HHAT: variants seen among roughly 807,000 people sequenced by gnomAD.
HHAT encodes the protein protein-cysteine N-palmitoyltransferase HHAT.
A neutral mutation model predicts 70.8 loss-of-function variants in HHAT; 47 were observed. That is an observed-to-expected ratio of 0.66 (90% CI 0.53 to 0.85). The LOEUF (loss-of-function observed/expected upper bound fraction) is 0.85, where lower values mean the gene tolerates loss of function less well. HHAT is among the 40% of genes least tolerant of loss of function. HHAT has a pLI of 0.00. For missense variants in HHAT, 609 were observed against 604.8 expected (o/e 1.01, Z -0.07); for synonymous variants, 228 against 247.6 (o/e 0.92, Z 0.74).
At chr1:210,598,293 G>C (rs1573614923) in intron 10 of HHAT, among the ~76,000 whole-genome samples, 1 of 151,920 alleles carries the variant, frequency 6.6e-6, no homozygotes, top group African/African-American at 2.4e-5. Flanking sequence ...TGCTGCCTGG[G>C]GTTGGGGGAC....
chr1:210,518,593 G>C (rs188089632), intron 9 of HHAT, among the ~76,000 whole-genome samples: 209 of 152,296 alleles, frequency 1.4e-3, no homozygotes, highest in African/African-American at 5.0e-3. Context: ...AGGAGTTTGA[G>C]ACCAGCCTGG....
intron 2 of HHAT, among the ~76,000 whole-genome samples, chr1:210,349,649 A>C (rs530028766): frequency 7.4e-6 from 1 of 134,738 alleles, no homozygotes; most frequent in East Asian, 2.2e-4. Context: ...GTGCTACCTA[A>C]AACTTTTTTT....
chr1:210,377,654 C>G (rs923247801), intron 3 of HHAT, among the ~76,000 whole-genome samples: 7 of 152,176 alleles, frequency 4.6e-5, no homozygotes, highest in South Asian at 2.1e-4. Flanking sequence ...GCTGAAGATA[C>G]GCAAAATAAC....
intron 3 of HHAT, among the ~76,000 whole-genome samples, chr1:210,383,933 T>C (rs1366448633): frequency 6.6e-6 from 1 of 152,216 alleles, no homozygotes; most frequent in African/African-American, 2.4e-5. Flanking sequence ...GTTACCCCTC[T>C]CATTCTGCAG....
intron 2 of HHAT, among the ~76,000 whole-genome samples, chr1:210,356,722 C>A (rs915342316): frequency 6.6e-6 from 1 of 152,200 alleles, no homozygotes; most frequent in East Asian, 1.9e-4. Flanking sequence ...ACATGCTAAC[C>A]TCTTACGGGT....
intron 11 of HHAT, among the ~76,000 whole-genome samples, chr1:210,629,043 T>A (rs1434850952): frequency 1.3e-5 from 2 of 152,154 alleles, no homozygotes; most frequent in Non-Finnish European, 2.9e-5. Context: ...CCTCTGAGAG[T>A]TCTAGAAGAG....
At chr1:210,638,886 CAGAGTGAGACCCTCCCTCA>C (rs1672447194) in intron 11 of HHAT, among the ~76,000 whole-genome samples, 1 of 151,958 alleles carries the variant, frequency 6.6e-6, no homozygotes, top group Non-Finnish European at 1.5e-5. Flanking sequence ...GCCTGGGTGA[CAGAGTGAGACCCTCCCTCA>C]AAAATAAAAT....
chr1:210,525,421 G>A (rs971109403), intron 9 of HHAT, among the ~76,000 whole-genome samples: 10 of 152,146 alleles, frequency 6.6e-5, no homozygotes, highest in African/African-American at 2.4e-4. Flanking sequence ...GGGGTGCTTT[G>A]GAGTCCTTTG....
intron 8 of HHAT, among the ~76,000 whole-genome samples, chr1:210,484,468 T>C (rs1463259947): frequency 6.6e-6 from 1 of 150,492 alleles, no homozygotes; most frequent in African/African-American, 2.5e-5. Flanking sequence ...GAATTTTGTC[T>C]GATTTATCCG....
At chr1:210,590,544 A>AAAAAAG (rs1452676970) in intron 10 of HHAT, 1 of 139,402 alleles carries the variant, frequency 7.2e-6, no homozygotes, top group Non-Finnish European at 1.5e-5. Flanking sequence ...TTCCAGTCCA[A>AAAAAAG]AAAAAAAAAA....
chr1:210,426,412 T>C (rs934921425), intron 7 of HHAT, among the ~76,000 whole-genome samples: 1 of 152,224 alleles, frequency 6.6e-6, no homozygotes, highest in Non-Finnish European at 1.5e-5. Context: ...CATCCTTATC[T>C]TGTACCAGTT....
chr1:210,395,491 G>A (rs868563878), intron 4 of HHAT, among the ~76,000 whole-genome samples: 2 of 152,204 alleles, frequency 1.3e-5, no homozygotes, highest in Non-Finnish European at 1.5e-5. Context: ...AGACTCTGCT[G>A]GGGTGATGGA....
Position 210,550,102 on chromosome 1 carries a change from A to T in HHAT, c.1043+36914A>T, listed in dbSNP as rs918417809. On this transcript the variant is annotated intron_variant, in intron 9 of 11. Coordinates refer to ENST00000261458, the MANE Select transcript of HHAT (RefSeq NM_018194.6). ...GTATTTGTTCTTTCTACTTCTGATC[A>T]TCTAAACTCCACTCATCCTTTCATG... is the stretch of plus-strand genomic sequence containing the variant. Among the ~76,000 whole-genome samples the T allele has an allele frequency of 1.1e-4, 16 of 149,006 alleles. 1 individual carries two copies. The highest frequency in any genetic ancestry group is 4.0e-4 in the African/African-American group (16 of 40,262).
chr1:210,488,007 T>G lies in HHAT; in HGVS notation c.1007+23352T>G, dbSNP rs188400168. Among the ~76,000 whole-genome samples the G allele has an allele frequency of 4.6e-4, 70 of 152,336 alleles. No individual in the cohort carries two copies. In the Middle Eastern group the frequency reaches 0.01, roughly 22 times the overall value. On this transcript the variant is annotated intron_variant, in intron 8 of 11. Coordinates refer to ENST00000261458, the MANE Select transcript of HHAT (RefSeq NM_018194.6). ...AGATGATACATTAGTTTCAATCATC[T>G]GGCTGCTTCCTCGTGGGATTCCCAT...
intron 11 of HHAT, among the ~76,000 whole-genome samples, chr1:210,625,932 C>G (rs1449934325): frequency 6.6e-6 from 1 of 152,204 alleles, no homozygotes; most frequent in Non-Finnish European, 1.5e-5. Context: ...AAGTACAGGG[C>G]AGGGGTGTGT....
At chr1:210,554,750 G>T (rs1427583162) in intron 9 of HHAT, among the ~76,000 whole-genome samples, 3 of 152,148 alleles carry the variant, frequency 2.0e-5, no homozygotes, top group African/African-American at 4.8e-5. Context: ...CTTTCTCAAG[G>T]TGTGCCTTGT....
chr1:210,569,545 A>G (rs919802018), intron 9 of HHAT, among the ~76,000 whole-genome samples: 1 of 151,796 alleles, frequency 6.6e-6, no homozygotes, highest in African/African-American at 2.4e-5. Flanking sequence ...TAAATTTGTC[A>G]ACTTTTAGGA....
At chr1:210,516,481 G>A (rs1405193937) in intron 9 of HHAT, among the ~76,000 whole-genome samples, 1 of 152,092 alleles carries the variant, frequency 6.6e-6, no homozygotes, top group African/African-American at 2.4e-5. Context: ...GACAGCAATG[G>A]CATTTTCTTG....
chr1:210,462,037 T>A (rs2093989569), intron 7 of HHAT, among the ~76,000 whole-genome samples: 1 of 152,244 alleles, frequency 6.6e-6, no homozygotes, highest in South Asian at 2.1e-4. Context: ...AAATAGTGAA[T>A]ATTTTGTGCA....
Sources: gnomAD v4.1 joint callset for allele counts (sites outside exome capture counted in the v4.1 genomes callset) on GRCh38, gnomAD v4.1.1 for gene constraint, MANE v1.5 for transcripts, NCBI Gene and HGNC (gene_info 2026-07-23, HGNC 2026-07-21) for gene names.